UNC13C: variants seen among roughly 807,000 people sequenced by gnomAD.
UNC13C encodes the protein protein unc-13 homolog C.
In UNC13C, 174 loss-of-function variants were observed where a neutral mutation model predicts 245.4. The observed-to-expected ratio is 0.71, with a 90% CI of 0.63 to 0.80. The LOEUF is 0.80. Ranked by LOEUF, UNC13C falls within the 30% of genes least tolerant of loss-of-function variation. UNC13C has a pLI of 0.00. For missense variants in UNC13C, 2,829 were observed against 2,602.9 expected, an observed-to-expected ratio of 1.09 and a Z score of -1.89; for synonymous variants, 992 against 895.1, an observed-to-expected ratio of 1.11 and a Z score of -1.93.
intron 19 of UNC13C, among the ~76,000 whole-genome samples, chr15:54,427,368 G>T (rs1235399200): frequency 6.6e-6 from 1 of 151,732 alleles, no homozygotes; most frequent in African/African-American, 2.4e-5. Flanking sequence ...CTTCCACCAT[G>T]TAAGAAGTGC....
intron 30 of UNC13C, among the ~76,000 whole-genome samples, chr15:54,574,156 T>G (rs1231366271): frequency 6.6e-6 from 1 of 152,214 alleles, no homozygotes; most frequent in African/African-American, 2.4e-5. Flanking sequence ...AAAAGTATCT[T>G]AAATTTCCTT....
chr15:54,048,661 C>T (rs1033708008), intron 2 of UNC13C: 9 of 348,148 alleles, frequency 2.6e-5, no homozygotes, highest in African/African-American at 2.0e-4. Context: ...GCTAGACAAG[C>T]TCACATTGTT....
chr15:54,396,540 C>G (rs974944613), intron 18 of UNC13C, among the ~76,000 whole-genome samples: 1 of 151,398 alleles, frequency 6.6e-6, no homozygotes, highest in Non-Finnish European at 1.5e-5. Flanking sequence ...AAAATTTGTA[C>G]TTTTTCAAGA....
chr15:53,891,044 G>A, the UNC13C span, among the ~76,000 whole-genome samples: 13 of 151,992 alleles, frequency 8.6e-5, no homozygotes, highest in South Asian at 2.1e-4. Flanking sequence ...AATGTGTCCC[G>A]GAGATTCTGG....
chr15:54,115,919 A>T (rs1238164457), intron 2 of UNC13C, among the ~76,000 whole-genome samples: 3 of 152,150 alleles, frequency 2.0e-5, no homozygotes, highest in Non-Finnish European at 4.4e-5. Context: ...GCATAGAAGA[A>T]GGAGACAGTA....
At chr15:53,849,612 C>T in the UNC13C span, among the ~76,000 whole-genome samples, 2 of 152,108 alleles carry the variant, frequency 1.3e-5, no homozygotes, top group African/African-American at 4.8e-5. Context: ...TCCAAAAAAG[C>T]ATTTTCAGAC....
At chr15:54,433,485 C>T (rs1212426016) in intron 19 of UNC13C, among the ~76,000 whole-genome samples, 3 of 152,048 alleles carry the variant, frequency 2.0e-5, no homozygotes, top group African/African-American at 7.2e-5. Context: ...ACAAAAACCA[C>T]ACAATTATCT....
chr15:54,115,362 T>C (rs80133812), intron 2 of UNC13C, among the ~76,000 whole-genome samples: 3,318 of 152,228 alleles, frequency 0.022, 57 homozygotes, highest in Non-Finnish European at 0.034. Context: ...ACATTATCAA[T>C]TGCATCCTTC....
chr15:53,899,786 C>G, the UNC13C span, among the ~76,000 whole-genome samples: 325 of 152,274 alleles, frequency 2.1e-3, 2 homozygotes, highest in African/African-American at 7.4e-3. Context: ...TGGTCTCAAA[C>G]TCCCGACCTC....
intron 4 of UNC13C, among the ~76,000 whole-genome samples, chr15:54,175,689 T>G (rs995468670): frequency 6.6e-5 from 10 of 151,970 alleles, no homozygotes; most frequent in African/African-American, 2.4e-4. Flanking sequence ...ATTTTTGTAT[T>G]TTTAATAGAG....
chr15:53,892,357 G>T, the UNC13C span, among the ~76,000 whole-genome samples: 2 of 152,048 alleles, frequency 1.3e-5, no homozygotes, highest in African/African-American at 4.8e-5. Context: ...TGTGTCTTGA[G>T]GTTGCTCTTC....
chr15:54,325,483 C>T (rs912855510), intron 14 of UNC13C, among the ~76,000 whole-genome samples: 4 of 151,992 alleles, frequency 2.6e-5, no homozygotes, highest in Non-Finnish European at 5.9e-5. Context: ...CATAGGTATA[C>T]TTGTGCCATG....
chr15:54,220,819 G>A (rs2035203071), intron 4 of UNC13C, among the ~76,000 whole-genome samples: 1 of 151,888 alleles, frequency 6.6e-6, no homozygotes, highest in African/African-American at 2.4e-5. Flanking sequence ...ATAATTAGGG[G>A]AAGGGTAGGA....
Position 54,264,290 on chromosome 15 carries a change from G to T in UNC13C, c.3571G>T (p.Glu1191Ter). The T allele has an allele frequency of 6.2e-7, 1 of 1,601,584 alleles. No individual in the cohort carries two copies. The change falls in exon 9 of 33, where the codon GAA becomes TAA. Residue 1191 changes from glutamate (E) to a stop codon, truncating the protein, a stop_gained. Transcript: ENST00000260323. LOFTEE classifies it high-confidence loss of function. ...GCCAGAAGTATTTGAAGTAATCCAG[G>T]AAATGTTTCAGATTTCTAAAGAAGA... ...NRPEVFEVIQ[E>*]MFQISKEDFV...
intron 30 of UNC13C, among the ~76,000 whole-genome samples, chr15:54,601,219 A>G (rs1173423370): frequency 1.3e-5 from 2 of 152,196 alleles, no homozygotes; most frequent in East Asian, 1.9e-4. Context: ...ATAAGCAACA[A>G]ACATGTTTTG....
chr15:54,546,614 G>A (rs535458260), intron 26 of UNC13C, 108 bp from the exon 27 acceptor site: 1 of 576,910 alleles, frequency 1.7e-6, no homozygotes, highest in African/African-American at 2.0e-5. Flanking sequence ...TATACATTTT[G>A]TATAATAATT....
At chr15:54,441,743 T>G (rs1890537962) in intron 19 of UNC13C, among the ~76,000 whole-genome samples, 1 of 152,092 alleles carries the variant, frequency 6.6e-6, no homozygotes, top group Admixed American at 6.6e-5. Context: ...GTTGGTATTT[T>G]AATAGTGGGT....
At chr15:54,053,465 TC>T (rs1897360595) in intron 2 of UNC13C, among the ~76,000 whole-genome samples, 1 of 152,200 alleles carries the variant, frequency 6.6e-6, no homozygotes. Context: ...GTGACATGCT[TC>T]CCTGCCTACC....
chr15:54,409,928 T>C (rs1158056053), intron 18 of UNC13C, among the ~76,000 whole-genome samples: 1 of 152,242 alleles, frequency 6.6e-6, no homozygotes, highest in Non-Finnish European at 1.5e-5. Context: ...AGTTGTATTT[T>C]ACGTTCTTTG....
Sources: allele counts gnomAD v4.1 joint callset (sites outside exome capture counted in the v4.1 genomes callset), GRCh38; gene constraint gnomAD v4.1.1; transcripts MANE v1.5; gene names NCBI Gene and HGNC (gene_info 2026-07-23, HGNC 2026-07-21).